ENO4: variants seen among roughly 807,000 people sequenced by gnomAD.
ENO4 encodes 2-phospho-D-glycerate hydro-lyase.
Under a neutral mutation model 63.2 loss-of-function variants are expected in ENO4, and 53 were observed. That is an observed-to-expected ratio of 0.84 (90% CI 0.67 to 1.05). The LOEUF is 1.05. ENO4 is among the 50% of genes least tolerant of loss of function. The pLI, the probability that ENO4 is intolerant of heterozygous loss-of-function variation, is 0.00. For missense variants in ENO4, 719 were observed against 772.0 expected (o/e 0.93, Z 0.81); for synonymous variants, 266 against 283.8 (o/e 0.94, Z 0.63).
At chr10:116,899,824 T>C (rs559553182) in intron 10 of ENO4, among the ~76,000 whole-genome samples, 42 of 152,332 alleles carry the variant, frequency 2.8e-4, no homozygotes, top group African/African-American at 9.6e-4. Context: ...ATGTGGTTAG[T>C]GTAACAGAGT....
intron 10 of ENO4, among the ~76,000 whole-genome samples, chr10:116,898,217 A>G (rs1847590748): frequency 1.3e-5 from 2 of 151,782 alleles, no homozygotes; most frequent in African/African-American, 4.8e-5. Context: ...AATCACAGCT[A>G]CTCGGGAGGC....
At chr10:116,874,818 G>A (rs753838515) in intron 10 of ENO4, among the ~76,000 whole-genome samples, 13 of 152,070 alleles carry the variant, frequency 8.5e-5, no homozygotes, top group Middle Eastern at 3.4e-3. Flanking sequence ...GACTATAGGC[G>A]TGCACCACCA....
chr10:116,864,071 C>T (rs774101289), intron 7 of ENO4, among the ~76,000 whole-genome samples: 16 of 152,162 alleles, frequency 1.1e-4, no homozygotes, highest in African/African-American at 2.2e-4. Context: ...TCAAACACGC[C>T]GCATCAGGAG....
chr10:116,888,799 A>AT (rs1414188606), intron 10 of ENO4, among the ~76,000 whole-genome samples: 3 of 152,204 alleles, frequency 2.0e-5, no homozygotes, highest in African/African-American at 4.8e-5. Context: ...GTTAAAAAAA[A>AT]TTTTTTTAAG....
In ENO4 at chr10:116,881,501, G is replaced by A. The variant is rs1372783708; in HGVS notation, c.1724-14G>A. ...ATTGGATTAGACAGTAAACTTTATTGTTACTTTAAATAGGTTTCAAAGAAG... is the reference window on the plus strand; with the variant it reads ...ATTGGATTAGACAGTAAACTTTATTATTACTTTAAATAGGTTTCAAAGAAG... On this transcript the variant is annotated splice_polypyrimidine_tract_variant and intron_variant, in intron 13 of 13. Transcript: ENST00000341276. 4 of 1,525,348 alleles carry A rather than the reference G, an allele frequency of 2.6e-6. No individual in the cohort carries two copies. Among genetic ancestry groups the A allele is most frequent in the South Asian group, 1.3e-5 (1 of 79,844 alleles). The allele number at this position is 1,525,348 out of a possible 1,614,324, so 94.5% of individuals were successfully genotyped here. A position where few individuals can be genotyped will look rare whatever the true frequency, so the allele number is the denominator to read the frequency against.
chr10:116,850,644 G>A (rs772089485), intron 1 of ENO4, among the ~76,000 whole-genome samples: 12 of 151,928 alleles, frequency 7.9e-5, no homozygotes, highest in Non-Finnish European at 1.3e-4. Flanking sequence ...AAACCACGTC[G>A]TATTGAGGCA....
At chr10:116,898,679 A>G (rs1344627214) in intron 10 of ENO4, among the ~76,000 whole-genome samples, 1 of 152,212 alleles carries the variant, frequency 6.6e-6, no homozygotes, top group African/African-American at 2.4e-5. Context: ...AAATAGAAAC[A>G]GAATAAATTA....
chr10:116,868,005 C>T (rs1007115472), intron 7 of ENO4, among the ~76,000 whole-genome samples: 28 of 152,274 alleles, frequency 1.8e-4, no homozygotes, highest in African/African-American at 4.1e-4. Flanking sequence ...AATCAGTACA[C>T]GCTGAGCATC....
At chr10:116,904,282 C>G (rs565070680) in intron 10 of ENO4, among the ~76,000 whole-genome samples, 1 of 152,160 alleles carries the variant, frequency 6.6e-6, no homozygotes, top group Non-Finnish European at 1.5e-5. Context: ...TTACTTTCCC[C>G]CCTGGAATTT....
At chr10:116,869,856 T>C (rs368974312) in intron 8 of ENO4, among the ~76,000 whole-genome samples, 11 of 152,194 alleles carry the variant, frequency 7.2e-5, no homozygotes, top group Admixed American at 3.3e-4. Flanking sequence ...TGGTGCTAAA[T>C]TGCCTGGATT....
At chr10:116,879,051 T>A (rs143300555) in intron 11 of ENO4, among the ~76,000 whole-genome samples, 1,886 of 152,202 alleles carry the variant, frequency 0.012, 22 homozygotes, top group Non-Finnish European at 0.019. Context: ...CCATCATGTA[T>A]CTTAATTTTA....
intron 10 of ENO4, among the ~76,000 whole-genome samples, chr10:116,897,070 G>T (rs1160883425): frequency 2.0e-5 from 3 of 152,164 alleles, no homozygotes; most frequent in Admixed American, 2.0e-4. Context: ...GCCTCCCAAA[G>T]TGCTGGGATT....
chr10:116,881,326 C>T (rs1847001674), intron 13 of ENO4, among the ~76,000 whole-genome samples, 189 bp from the exon 14 acceptor site: 1 of 152,144 alleles, frequency 6.6e-6, no homozygotes, highest in South Asian at 2.1e-4. Context: ...TAAAATCGAA[C>T]AGAACATCTG....
chr10:116,907,512 C>A (rs868307269), intron 10 of ENO4, among the ~76,000 whole-genome samples: 1 of 152,186 alleles, frequency 6.6e-6, no homozygotes, highest in Non-Finnish European at 1.5e-5. Flanking sequence ...TTTCCCTGCT[C>A]TGGCTCTTCC....
chr10:116,856,921 G>A lies in ENO4; in HGVS notation c.485+239G>A, dbSNP rs1846277908. Among the ~76,000 whole-genome samples the A allele has an allele frequency of 2.0e-5, 3 of 151,850 alleles. No individual in the cohort carries two copies. In the South Asian group the frequency reaches 6.3e-4, roughly 32 times the overall value. ...GGAGAATGGCGTGAACCCGGGAGGCGGAGCTTGCAGTGAGCTGAGATCGCG... is the reference window on the plus strand; with the variant it reads ...GGAGAATGGCGTGAACCCGGGAGGCAGAGCTTGCAGTGAGCTGAGATCGCG... On this transcript the variant is annotated intron_variant, in intron 3 of 13. Coordinates refer to ENST00000341276, the MANE Select transcript of ENO4 (RefSeq NM_001242699.2).
At chr10:116,856,383 C>G (rs1846258233) in intron 2 of ENO4, 109 bp from the exon 3 acceptor site, 1 of 808,302 alleles carries the variant, frequency 1.2e-6, no homozygotes, top group Middle Eastern at 2.3e-4. Flanking sequence ...TCTCATTGTC[C>G]CCTTGAAATT....
intron 10 of ENO4, among the ~76,000 whole-genome samples, chr10:116,893,020 G>C (rs761157971): frequency 1.3e-5 from 2 of 152,182 alleles, no homozygotes; most frequent in African/African-American, 4.8e-5. Flanking sequence ...TTAATTCTCT[G>C]AGAGAATTGA....
intron 2 of ENO4, among the ~76,000 whole-genome samples, chr10:116,855,956 C>T (rs1846247080): frequency 6.6e-6 from 1 of 152,100 alleles, no homozygotes; most frequent in Admixed American, 6.5e-5. Flanking sequence ...ACATGACATG[C>T]TAACCTGAGG....
chr10:116,855,661 A>T lies in ENO4; in HGVS notation c.204A>T (p.Ile68=). ...CFSKLAKPPT[I]CKIVGKDVLD... The stretch of plus-strand genomic sequence containing the variant: ...CTAAACTTGCAAAGCCTCCCACCAT[A>T]TGCAAAATAGTGGGGAAAGACGTAC... Residue 68 remains isoleucine (I), a synonymous_variant, in exon 2 of 14, where the codon ATA becomes ATT. Coordinates refer to ENST00000341276, the MANE Select transcript of ENO4 (RefSeq NM_001242699.2). 1 of 1,536,288 alleles carries T rather than the reference A, an allele frequency of 6.5e-7. No homozygotes were observed. Among genetic ancestry groups the T allele is most frequent in the African/African-American group, 1.4e-5 (1 of 73,104 alleles).
Sources: allele counts gnomAD v4.1 joint callset (sites outside exome capture counted in the v4.1 genomes callset), GRCh38; gene constraint gnomAD v4.1.1; transcripts MANE v1.5; gene names NCBI Gene and HGNC (gene_info 2026-07-23, HGNC 2026-07-21).